Variants in FBRSL1 observed in about 807,000 individuals in gnomAD.
FBRSL1 encodes fibrosin-1-like protein.
In FBRSL1, 51 loss-of-function variants were observed where a neutral mutation model predicts 89.6. The observed-to-expected ratio is 0.57, with a 90% CI of 0.45 to 0.72. The LOEUF (loss-of-function observed/expected upper bound fraction) is 0.72. FBRSL1 is among the 30% of genes least tolerant of loss of function. FBRSL1 has a pLI of 0.00. For synonymous variants in FBRSL1, 779 were observed against 681.1 expected (o/e 1.14, Z -2.24); for missense variants, 1,618 against 1,451.8 (o/e 1.11, Z -1.86).
intron 2 of FBRSL1, among the ~76,000 whole-genome samples, chr12:132,508,663 C>T (rs1312305904): frequency 2.0e-5 from 3 of 152,250 alleles, no homozygotes; most frequent in Non-Finnish European, 4.4e-5. Context: ...CTGCCGTGTC[C>T]ATCAGGCTCC....
At chr12:132,571,581 A>G (rs1047583995) in intron 9 of FBRSL1, 4 of 1,187,678 alleles carry the variant, frequency 3.4e-6, no homozygotes, top group Non-Finnish European at 4.4e-6. Context: ...GGGGACACGC[A>G]GCAGGCACAC....
chr12:132,548,549 C>T (rs2037884194), intron 5 of FBRSL1, among the ~76,000 whole-genome samples: 1 of 152,218 alleles, frequency 6.6e-6, no homozygotes, highest in Non-Finnish European at 1.5e-5. Context: ...CAGGAGTGAA[C>T]CCCCCGGGCA....
chr12:132,512,751 C>G (rs760239474), intron 2 of FBRSL1, among the ~76,000 whole-genome samples: 9 of 152,214 alleles, frequency 5.9e-5, no homozygotes, highest in Non-Finnish European at 1.2e-4. Context: ...TGGCACTTGG[C>G]TGCCCCTTAA....
At chr12:132,577,618 TCCC>T (rs1229200489) in intron 15 of FBRSL1, among the ~76,000 whole-genome samples, 1 of 151,156 alleles carries the variant, frequency 6.6e-6, no homozygotes, top group Non-Finnish European at 1.5e-5. Flanking sequence ...AGTCACCCAC[TCCC>T]CCGAGTCACC....
intron 2 of FBRSL1, among the ~76,000 whole-genome samples, chr12:132,515,531 A>C (rs1340125243): frequency 1.8e-5 from 1 of 54,508 alleles, no homozygotes; most frequent in Non-Finnish European, 4.2e-5. Flanking sequence ...TTAAGAAACC[A>C]AAAAAAAAAA....
At chr12:132,579,302 G>A (rs2138096494) in intron 15 of FBRSL1, among the ~76,000 whole-genome samples, 1 of 152,312 alleles carries the variant, frequency 6.6e-6, no homozygotes, top group South Asian at 2.1e-4. Context: ...CGACCTAAGA[G>A]GGATTCGTAC....
chr12:132,519,372 C>G (rs2035146015), intron 2 of FBRSL1, among the ~76,000 whole-genome samples: 1 of 152,218 alleles, frequency 6.6e-6, no homozygotes, highest in South Asian at 2.1e-4. Context: ...CACAGCCATA[C>G]TGCGTGGTGT....
intron 1 of FBRSL1, among the ~76,000 whole-genome samples, chr12:132,497,444 G>A (rs12815264): frequency 0.067 from 10,194 of 152,106 alleles, 374 homozygotes; most frequent in South Asian, 0.11. Flanking sequence ...AGGCAGCCAC[G>A]GGAGGAGCCC....
chr12:132,558,457 A>G (rs1271732622), intron 5 of FBRSL1, among the ~76,000 whole-genome samples: 3 of 152,320 alleles, frequency 2.0e-5, no homozygotes, highest in African/African-American at 2.4e-5. Context: ...GGAAGTGCCT[A>G]TGTGGACACA....
chr12:132,510,320 G>A lies in FBRSL1; in HGVS notation c.489+1970G>A, dbSNP rs552451765. On this transcript the variant is annotated intron_variant, in intron 2 of 18. Transcript: ENST00000680143. The stretch of plus-strand genomic sequence containing the variant: ...GGCGGTCCCTATTGGATCTGGTGCC[G>A]GCCCGTCAGCCCCGGCTCTCGCTCC... 2,966 of 1,230,554 alleles carry A rather than the reference G, an allele frequency of 2.4e-3. 4 individuals carry two copies. The highest frequency in any genetic ancestry group is 3.2e-3 in the Admixed American group (76 of 23,688). The allele number at this position is 1,230,554 out of a possible 1,614,324, so 76.2% of individuals were successfully genotyped here.
intron 2 of FBRSL1, among the ~76,000 whole-genome samples, chr12:132,521,049 T>TCC (rs1194630218): frequency 6.6e-6 from 1 of 152,146 alleles, no homozygotes; most frequent in African/African-American, 2.4e-5. Flanking sequence ...CCCACTGCAG[T>TCC]CCCCTGAGGC....
intron 4 of FBRSL1, among the ~76,000 whole-genome samples, chr12:132,536,985 G>C (rs1159794668): frequency 6.6e-6 from 1 of 152,196 alleles, no homozygotes; most frequent in Non-Finnish European, 1.5e-5. Context: ...CAGGGGCTCT[G>C]CAGGCACTCG....
At chr12:132,510,940 G>A in intron 2 of FBRSL1, 1 of 994,352 alleles carries the variant, frequency 1.0e-6, no homozygotes, top group Non-Finnish European at 1.2e-6. Context: ...AGCCTGGTGT[G>A]TGCGTGCTGT....
chr12:132,567,722 C>T (rs557559772), intron 6 of FBRSL1, among the ~76,000 whole-genome samples, 196 bp downstream of exon 6: 2 of 152,284 alleles, frequency 1.3e-5, no homozygotes, highest in Admixed American at 1.3e-4. Flanking sequence ...AGCCACTGAG[C>T]CCTAGGCAGG....
intron 1 of FBRSL1, among the ~76,000 whole-genome samples, 169 bp from the exon 2 acceptor site, chr12:132,507,984 C>T (rs1488758786): frequency 2.0e-5 from 3 of 152,300 alleles, no homozygotes; most frequent in Non-Finnish European, 2.9e-5. Context: ...CACCTGCCAT[C>T]GTCCTTCCCC....
chr12:132,498,291 G>T (rs530805026), intron 1 of FBRSL1, among the ~76,000 whole-genome samples: 1 of 152,288 alleles, frequency 6.6e-6, no homozygotes, highest in Non-Finnish European at 1.5e-5. Context: ...ACAGCAGTCG[G>T]AATGTTCCAG....
intron 4 of FBRSL1, among the ~76,000 whole-genome samples, chr12:132,544,280 C>A (rs1197765648): frequency 6.6e-6 from 1 of 152,134 alleles, no homozygotes; most frequent in Non-Finnish European, 1.5e-5. Flanking sequence ...TCAGAGGGGC[C>A]TTGTAGGCTG....
At chr12:132,538,195 G>T (rs944357994) in intron 4 of FBRSL1, among the ~76,000 whole-genome samples, 2 of 152,220 alleles carry the variant, frequency 1.3e-5, no homozygotes, top group Admixed American at 1.3e-4. Context: ...GCCTGGGAGG[G>T]TGTGTTCTCC....
At chr12:132,538,546 A>G (rs1285664968) in intron 4 of FBRSL1, among the ~76,000 whole-genome samples, 13 of 152,190 alleles carry the variant, frequency 8.5e-5, no homozygotes, top group Admixed American at 7.2e-4. Context: ...CACGTGGCAC[A>G]GCCTCTCCTG....
Sources: allele counts gnomAD v4.1 joint callset (sites outside exome capture counted in the v4.1 genomes callset), GRCh38; gene constraint gnomAD v4.1.1; transcripts MANE v1.5; gene names NCBI Gene and HGNC (gene_info 2026-07-23, HGNC 2026-07-21).